SLC2A13: variants seen among roughly 807,000 people sequenced by gnomAD.
SLC2A13 encodes the protein solute carrier family 2 member 13.
A neutral mutation model predicts 64.4 loss-of-function variants in SLC2A13; 32 were observed. The ratio of observed to expected loss-of-function variants is 0.50; its 90% CI spans 0.37 to 0.67. The LOEUF is 0.67. Among genes scored for constraint, SLC2A13 ranks in the 30% least tolerant of loss-of-function variants. The probability of loss-of-function intolerance (pLI) is 0.00; values close to 1 mark genes in which losing one functional copy is unlikely to be tolerated. For missense variants in SLC2A13, 743 were observed against 829.2 expected, an observed-to-expected ratio of 0.90 and a Z score of 1.28; for synonymous variants, 338 against 327.1, an observed-to-expected ratio of 1.03 and a Z score of -0.36.
chr12:39,889,664 C>T (rs1251769313), intron 4 of SLC2A13, among the ~76,000 whole-genome samples: 1 of 151,178 alleles, frequency 6.6e-6, no homozygotes, highest in Non-Finnish European at 1.5e-5. Context: ...TCCTGAGTAG[C>T]TGGGACTACA....
intron 2 of SLC2A13, among the ~76,000 whole-genome samples, chr12:40,034,390 C>T (rs909026776): frequency 6.6e-6 from 1 of 152,182 alleles, no homozygotes; most frequent in Non-Finnish European, 1.5e-5. Flanking sequence ...TTTTTAGTCA[C>T]AGTTAATCTT....
intron 7 of SLC2A13, among the ~76,000 whole-genome samples, chr12:39,800,219 C>G (rs1374552431): frequency 1.3e-5 from 2 of 152,080 alleles, no homozygotes; most frequent in Non-Finnish European, 2.9e-5. Context: ...TGAATGAAAA[C>G]AGTAAACAGA....
At chr12:39,813,812 A>AGAT (rs2135811900) in intron 7 of SLC2A13, among the ~76,000 whole-genome samples, 1 of 152,340 alleles carries the variant, frequency 6.6e-6, no homozygotes, top group South Asian at 2.1e-4. Context: ...GCAATTAAAA[A>AGAT]GATGTAATTG....
chr12:40,003,441 A>G lies in SLC2A13; in HGVS notation c.925+24860T>C, dbSNP rs538026008. On this transcript the variant is annotated intron_variant, in intron 3 of 9. Coordinates refer to ENST00000280871, the MANE Select transcript of SLC2A13 (RefSeq NM_052885.4). Reference sequence around the variant, plus strand: ...AAGTGAGTGGGCGCTGATGGCAATAACAAAACTCAACCGTCAGAGGTGCCC... The same window carrying G: ...AAGTGAGTGGGCGCTGATGGCAATAGCAAAACTCAACCGTCAGAGGTGCCC... Among the ~76,000 whole-genome samples, 137 of 152,332 alleles carry G rather than the reference A, an allele frequency of 9.0e-4. 2 individuals are homozygous for G. The South Asian group carries it at 0.013, about 14-fold the overall frequency.
At chr12:40,087,633 T>C (rs2136292599) in intron 1 of SLC2A13, among the ~76,000 whole-genome samples, 1 of 152,270 alleles carries the variant, frequency 6.6e-6, no homozygotes, top group East Asian at 1.9e-4. Flanking sequence ...TGATAGATCC[T>C]GGGATAAACA....
chr12:39,782,652 G>C (rs1039487018), intron 7 of SLC2A13, among the ~76,000 whole-genome samples: 1 of 152,170 alleles, frequency 6.6e-6, no homozygotes, highest in Non-Finnish European at 1.5e-5. Flanking sequence ...ATGTGAACTT[G>C]ACATTGGAAC....
chr12:39,879,659 C>A (rs549458965), intron 4 of SLC2A13, among the ~76,000 whole-genome samples: 1 of 152,256 alleles, frequency 6.6e-6, no homozygotes, highest in Non-Finnish European at 1.5e-5. Flanking sequence ...ATGCCTATAC[C>A]CCCAGTGTAT....
chr12:39,760,097 A>C lies in SLC2A13; in HGVS notation c.1876T>G (p.Tyr626Asp). The C allele has an allele frequency of 6.2e-7, 1 of 1,612,934 alleles. No homozygotes were observed. Among genetic ancestry groups the C allele is most frequent in the Non-Finnish European group, 8.5e-7 (1 of 1,179,322 alleles). ...CGTSDSDEGR[Y>D]IEYIRVKGSN... is the part of the protein sequence containing the mutation. ...CCCTTTACCCGAATATATTCAATAT[A>C]TCTCCCTTCATCAGAATCTGAAGTG... is the stretch of plus-strand genomic sequence containing the variant. Residue 626 changes from tyrosine to aspartate, a missense_variant, in exon 10 of 10, where the codon TAT (tyrosine) becomes GAT (aspartate). Physicochemically the swap from Tyr to Asp is radical, Grantham distance 160 (BLOSUM62 -3). Around this residue, in one of 2 missense-constraint regions of SLC2A13, gnomAD observed 295 missense variants for 381.7 expected, o/e 0.77. Coordinates refer to ENST00000280871, the MANE Select transcript of SLC2A13 (RefSeq NM_052885.4).
At chr12:40,090,085 A>C (rs946835525) in intron 1 of SLC2A13, among the ~76,000 whole-genome samples, 8 of 152,216 alleles carry the variant, frequency 5.3e-5, no homozygotes, top group African/African-American at 1.9e-4. Flanking sequence ...TTCTTCAAAT[A>C]TATTCAATGA....
At chr12:40,083,550 T>C (rs946703146) in intron 1 of SLC2A13, among the ~76,000 whole-genome samples, 15 of 152,144 alleles carry the variant, frequency 9.9e-5, no homozygotes, top group African/African-American at 3.4e-4. Flanking sequence ...CCATCACCAC[T>C]GCAGCACTGC....
chr12:39,764,914 A>C, intron 7 of SLC2A13, 56 bp from the exon 8 acceptor site: 2 of 1,566,210 alleles, frequency 1.3e-6, no homozygotes, highest in Non-Finnish European at 8.7e-7. Context: ...CAGTTGCAGA[A>C]ATTCAATATG....
At position 39,978,563 on chromosome 12, in the gene SLC2A13, G is replaced by C. The variant is rs571260442; in HGVS notation, c.926-27198C>G. 2.6e-5 allele frequency among the ~76,000 whole-genome samples: 4 copies of C among 152,322 alleles called. No individual in the cohort carries two copies. The East Asian group carries it at 5.8e-4, about 22-fold the overall frequency. ...TTCGGAGTCAAAGAAAGGGGTGACG[G>C]ATGCACCTGGAAAATCGGGTCACTC... is the stretch of plus-strand genomic sequence containing the variant. On this transcript the variant is annotated intron_variant, in intron 3 of 9. Coordinates refer to ENST00000280871, the MANE Select transcript of SLC2A13 (RefSeq NM_052885.4).
intron 3 of SLC2A13, among the ~76,000 whole-genome samples, chr12:39,990,271 C>T (rs768532591): frequency 6.6e-6 from 1 of 152,218 alleles, no homozygotes; most frequent in Non-Finnish European, 1.5e-5. Context: ...ATGTCTCTAT[C>T]TCTTCACAAT....
chr12:40,056,975 G>A (rs529409305), intron 1 of SLC2A13, among the ~76,000 whole-genome samples: 2 of 151,810 alleles, frequency 1.3e-5, no homozygotes, highest in Admixed American at 6.6e-5. Flanking sequence ...GCGAGACTTC[G>A]TGTCAAAAAA....
At chr12:39,923,952 C>A (rs2136060709) in intron 4 of SLC2A13, among the ~76,000 whole-genome samples, 1 of 152,126 alleles carries the variant, frequency 6.6e-6, no homozygotes, top group South Asian at 2.1e-4. Context: ...TACTGATTTT[C>A]ATTCTTTTCA....
At chr12:40,100,730 G>A (rs1243390391) in intron 1 of SLC2A13, among the ~76,000 whole-genome samples, 2 of 152,046 alleles carry the variant, frequency 1.3e-5, no homozygotes, top group Non-Finnish European at 2.9e-5. Context: ...TTGGAAGGCC[G>A]AAGCAGGCAG....
chr12:40,048,138 G>A lies in SLC2A13; in HGVS notation c.629C>T (p.Thr210Ile). Reference protein sequence around the residue: ...SPPNLRGRLVTINTLFITGGQ... With the variant: ...SPPNLRGRLVIINTLFITGGQ... ...TCCTGTGATGAAGAGGGTATTAATGGTGACTAATCGGCCTCTTAAATTGGG... is the reference window on the plus strand; with the variant it reads ...TCCTGTGATGAAGAGGGTATTAATGATGACTAATCGGCCTCTTAAATTGGG... The change falls in exon 2 of 10, where the codon ACC becomes ATC. Residue 210 changes from threonine to isoleucine, a missense_variant. By Grantham distance (89) the Thr-to-Ile change is moderately conservative (BLOSUM62 -1). Transcript: ENST00000280871. 2.5e-6 allele frequency: 4 copies of A among 1,613,628 alleles called. No homozygotes were observed. Among genetic ancestry groups the A allele is most frequent in the Non-Finnish European group, 3.4e-6 (4 of 1,179,766 alleles).
intron 3 of SLC2A13, among the ~76,000 whole-genome samples, chr12:39,960,128 T>C (rs960089261): frequency 6.6e-6 from 1 of 152,246 alleles, no homozygotes; most frequent in African/African-American, 2.4e-5. Context: ...TGCTAAAATA[T>C]CAGTTACTTT....
chr12:40,049,122 G>T (rs1481155488), intron 1 of SLC2A13, among the ~76,000 whole-genome samples: 2 of 151,548 alleles, frequency 1.3e-5, no homozygotes, highest in African/African-American at 4.9e-5. Flanking sequence ...TTAGTATTTA[G>T]TATTATTTAG....
Sources: gnomAD v4.1 joint callset for allele counts (sites outside exome capture counted in the v4.1 genomes callset) on GRCh38, gnomAD v4.1.1 for gene constraint, gnomAD v4.1.1 regional missense constraint, MANE v1.5 for transcripts, NCBI Gene and HGNC (gene_info 2026-07-23, HGNC 2026-07-21) for gene names.